The following ZNF449 variants were observed in gnomAD, a reference collection of about 807,000 sequenced individuals.
The protein encoded by ZNF449 is zinc finger protein 449.
ZNF449 carries 4 observed loss-of-function variants against 32.6 expected under a neutral mutation model. The ratio of observed to expected loss-of-function variants is 0.12; its 90% confidence interval spans 0.06 to 0.28. The LOEUF (loss-of-function observed/expected upper bound fraction) is 0.28. ZNF449 is among the 10% of genes least tolerant of loss of function. ZNF449 has a pLI of 1.00. For synonymous variants in ZNF449, 123 were observed against 132.2 expected (o/e 0.93, Z 0.48); for missense variants, 275 against 383.2 (o/e 0.72, Z 2.36).
At chrX:135,358,439 T>C (rs1556452561) in intron 3 of ZNF449, among the ~76,000 whole-genome samples, 1 of 111,988 alleles carries the variant, frequency 8.9e-6, no homozygotes, top group African/African-American at 3.2e-5. Flanking sequence ...TTTCTTCATT[T>C]GTTCCTGTGG....
At chrX:135,356,773 T>C (rs1177158762) in intron 3 of ZNF449, among the ~76,000 whole-genome samples, 2 of 112,007 alleles carry the variant, frequency 1.8e-5, no homozygotes, top group Admixed American at 1.9e-4. Flanking sequence ...AAGAAAATGT[T>C]ATTAAGAAAA....
rs2084947290 is a variant in ZNF449 at position 135,361,517 on chromosome X, A to T, written c.*441A>T. 8.8e-6 allele frequency: 1 copy of T among 113,046 alleles called. No homozygotes were observed. The highest frequency in any genetic ancestry group is 9.5e-5 in the Admixed American group (1 of 10,542). 9.3% of individuals were successfully genotyped at this position (113,046 alleles called of 1,213,427 possible). A position where few individuals can be genotyped will look rare whatever the true frequency, so the allele number is the denominator to read the frequency against. ...TCATTCAAAGCTTTAGATGTGTCCC[A>T]TGTGGCAAGAAAGGAGACAGTGAAT... On this transcript the variant is annotated 3_prime_UTR_variant, in exon 5 of 5. Coordinates refer to ENST00000339249, the MANE Select transcript of ZNF449 (RefSeq NM_152695.6).
chrX:135,350,199 G>A (rs2148504009), intron 3 of ZNF449, among the ~76,000 whole-genome samples: 1 of 110,835 alleles, frequency 9.0e-6, no homozygotes, highest in Admixed American at 9.5e-5. Context: ...TGGCCAGGCA[G>A]GTCTTTAACT....
rs1556454361 is a variant in ZNF449 at position 135,362,038 on chromosome X, G to A, written c.*962G>A. ...TTCATATACCCAATAATAAGCTACA[G>A]AACTAATATTCTGCAAATGTCTCTT... On this transcript the variant is annotated 3_prime_UTR_variant, in exon 5 of 5. Coordinates refer to ENST00000339249, the MANE Select transcript of ZNF449 (RefSeq NM_152695.6). 1 of 111,347 alleles carries A rather than the reference G, an allele frequency of 9.0e-6. No individual in the cohort carries two copies. The highest frequency in any genetic ancestry group is 1.9e-5 in the Non-Finnish European group (1 of 52,938). The allele number at this position is 111,347 out of a possible 1,213,427, so 9.2% of individuals were successfully genotyped here. A position where few individuals can be genotyped will look rare whatever the true frequency, so the allele number is the denominator to read the frequency against.
chrX:135,355,703 A>G (rs1480402256), intron 3 of ZNF449, among the ~76,000 whole-genome samples: 1 of 111,783 alleles, frequency 8.9e-6, no homozygotes, highest in East Asian at 2.8e-4. Context: ...AAATAGCGTT[A>G]TTGAAATATA....
chrX:135,357,115 T>C (rs1556452130), intron 3 of ZNF449, among the ~76,000 whole-genome samples: 1 of 112,016 alleles, frequency 8.9e-6, no homozygotes, highest in Admixed American at 9.5e-5. Flanking sequence ...GTGTCCTTTG[T>C]AGCCCAAAAT....
intron 3 of ZNF449, among the ~76,000 whole-genome samples, chrX:135,355,427 A>G (rs1385615645): frequency 1.8e-5 from 2 of 109,067 alleles, no homozygotes; most frequent in Non-Finnish European, 3.8e-5. Context: ...CAGTTATCCC[A>G]CTCCTGGGTT....
At chrX:135,345,157 T>G (rs1182322531) in intron 1 of ZNF449, among the ~76,000 whole-genome samples, 1 of 112,929 alleles carries the variant, frequency 8.9e-6, no homozygotes, top group East Asian at 2.8e-4. Flanking sequence ...TTTACACTTT[T>G]TAGGGACGTG....
chrX:135,346,901 T>C (rs935769853), intron 1 of ZNF449, 118 bp from the exon 2 acceptor site: 5 of 344,408 alleles, frequency 1.5e-5, no homozygotes, highest in Non-Finnish European at 2.0e-5. Flanking sequence ...AGAACTACTT[T>C]AGGTCTTTGG....
intron 1 of ZNF449, among the ~76,000 whole-genome samples, chrX:135,345,701 G>A (rs2084840759): frequency 1.8e-5 from 2 of 111,715 alleles, no homozygotes; most frequent in Admixed American, 1.9e-4. Flanking sequence ...TGCTAAAGTC[G>A]GGCTACCATC....
At chrX:135,355,700 G>A (rs369953638) in intron 3 of ZNF449, among the ~76,000 whole-genome samples, 2 of 110,984 alleles carry the variant, frequency 1.8e-5, no homozygotes, top group Non-Finnish European at 3.8e-5. Flanking sequence ...TTAAAATAGC[G>A]TTATTGAAAT....
In ZNF449 at chrX:135,361,904, C is replaced by G. The variant is rs782257926; in HGVS notation, c.*828C>G. The G allele has an allele frequency of 2.7e-5, 3 of 111,645 alleles. No homozygotes were observed. The highest frequency in any genetic ancestry group is 9.7e-5 in the African/African-American group (3 of 30,827). 9.2% of individuals were successfully genotyped at this position (111,645 alleles called of 1,213,427 possible). On this transcript the variant is annotated 3_prime_UTR_variant, in exon 5 of 5. Coordinates refer to ENST00000339249, the MANE Select transcript of ZNF449 (RefSeq NM_152695.6). ...TCCTGCTGTTTCGCCTTCTTAGGTT[C>G]ATAGTACACATCAGCATATGAGAAT...
chrX:135,346,196 C>T (rs1489632482), intron 1 of ZNF449, among the ~76,000 whole-genome samples: 3 of 111,891 alleles, frequency 2.7e-5, no homozygotes, highest in Non-Finnish European at 3.8e-5. Context: ...AATAAATATC[C>T]GTTGTTGTGA....
chrX:135,351,083 C>G (rs1243103081), intron 3 of ZNF449, among the ~76,000 whole-genome samples: 1 of 111,354 alleles, frequency 9.0e-6, no homozygotes, highest in Non-Finnish European at 1.9e-5. Flanking sequence ...GGAGAAGTCA[C>G]ACTTGATTAT....
intron 2 of ZNF449, chrX:135,348,837 T>C: frequency 9.4e-7 from 1 of 1,064,428 alleles, no homozygotes; most frequent in Non-Finnish European, 1.2e-6. Context: ...TGAGATCTGC[T>C]GTAAGTATGA....
chrX:135,346,409 T>C lies in ZNF449; in HGVS notation c.-100-610T>C, dbSNP rs2084848285. Among the ~76,000 whole-genome samples the C allele has an allele frequency of 2.7e-5, 3 of 112,097 alleles. No homozygotes were observed. The South Asian group carries it at 1.1e-3, about 41-fold the overall frequency. On this transcript the variant is annotated intron_variant, in intron 1 of 4. Coordinates refer to ENST00000339249, the MANE Select transcript of ZNF449 (RefSeq NM_152695.6). ...ATGGCTCTACCTAAGTTCACTTTGG[T>C]CGAAGGCCATTAGGAGATACTTAAA...
In ZNF449 at chrX:135,360,387, C is replaced by G. The variant is rs1556453239; in HGVS notation, c.868C>G (p.Gln290Glu). Residue 290 changes from glutamine to glutamate, a missense_variant, in exon 5 of 5, where the codon CAG (glutamine) becomes GAG (glutamate). Transcript: ENST00000339249. ...GACAGATTTAGCAAAACTGGTAGATCAGCAGAACCCCACTCTGGGAGAGAC... is the reference window on the plus strand; with the variant it reads ...GACAGATTTAGCAAAACTGGTAGATGAGCAGAACCCCACTCTGGGAGAGAC... Reference protein sequence around the residue: ...LQTDLAKLVDQQNPTLGETPE... With the variant: ...LQTDLAKLVDEQNPTLGETPE... 1 of 1,210,866 alleles carries G rather than the reference C, an allele frequency of 8.3e-7. No homozygotes were observed. Among genetic ancestry groups the G allele is most frequent in the African/African-American group, 1.7e-5 (1 of 57,748 alleles).
Position 135,347,206 on chromosome X carries a change from C to T in ZNF449, c.88C>T (p.Arg30Cys). 2 of 1,212,047 alleles carry T rather than the reference C, an allele frequency of 1.7e-6. No homozygotes were observed. Among genetic ancestry groups the T allele is most frequent in the Non-Finnish European group, 2.2e-6 (2 of 895,607 alleles). The change falls in exon 2 of 5, where the codon CGT (arginine) becomes TGT (cysteine). Residue 30 changes from arginine (R) to cysteine (C), a missense_variant. Coordinates refer to ENST00000339249, the MANE Select transcript of ZNF449 (RefSeq NM_152695.6). ...QEYDTDCEVFRQRFRQFQYRE... is the reference protein window; with the variant it reads ...QEYDTDCEVFCQRFRQFQYRE... ...ATATGATACTGACTGTGAAGTTTTC[C>T]GTCAGCGCTTCAGGCAGTTCCAGTA...
At chrX:135,351,294 A>C (rs1351155519) in intron 3 of ZNF449, among the ~76,000 whole-genome samples, 1 of 111,368 alleles carries the variant, frequency 9.0e-6, no homozygotes, top group Non-Finnish European at 1.9e-5. Flanking sequence ...ATGGAGTGAA[A>C]ATGTAATTCA....
Sources: allele counts gnomAD v4.1 joint callset (sites outside exome capture counted in the v4.1 genomes callset), GRCh38; gene constraint gnomAD v4.1.1; transcripts MANE v1.5; gene names NCBI Gene and HGNC (gene_info 2026-07-23, HGNC 2026-07-21).